MCTP2: variants seen among roughly 807,000 people sequenced by gnomAD.
MCTP2 encodes multiple C2 and transmembrane domain-containing protein 2.
MCTP2 carries 132 observed loss-of-function variants against 111.6 expected under a neutral mutation model. The ratio of observed to expected loss-of-function variants is 1.18; its 90% CI spans 1.03 to 1.37. MCTP2 has a LOEUF of 1.37. Among genes scored for constraint, MCTP2 ranks in the 40% most tolerant of loss-of-function variants. The pLI is 0.00. For missense variants in MCTP2, 1,183 were observed against 1,067.9 expected, an observed-to-expected ratio of 1.11 and a Z score of -1.50; for synonymous variants, 395 against 387.7, an observed-to-expected ratio of 1.02 and a Z score of -0.22.
intron 8 of MCTP2, among the ~76,000 whole-genome samples, chr15:94,345,921 G>C (rs1053881879): frequency 3.3e-5 from 5 of 152,032 alleles, no homozygotes; most frequent in Admixed American, 1.3e-4. Context: ...TTTCTGAATT[G>C]TGGTGGTGGT....
At chr15:94,267,580 A>T (rs894154529) in intron 1 of MCTP2, among the ~76,000 whole-genome samples, 3 of 152,178 alleles carry the variant, frequency 2.0e-5, no homozygotes, top group Admixed American at 6.5e-5. Context: ...CTCCTGTGAG[A>T]TTGCTGGATC....
intron 1 of MCTP2, among the ~76,000 whole-genome samples, chr15:94,249,605 C>A (rs1416552218): frequency 6.6e-6 from 1 of 152,008 alleles, no homozygotes; most frequent in Non-Finnish European, 1.5e-5. Context: ...CCTGCCTCAG[C>A]CTCTTGAGTA....
At chr15:94,420,625 A>G (rs2082581769) in intron 17 of MCTP2, among the ~76,000 whole-genome samples, 1 of 152,154 alleles carries the variant, frequency 6.6e-6, no homozygotes. Context: ...AATAGCAAGA[A>G]TAGAATTAGA....
intron 10 of MCTP2, among the ~76,000 whole-genome samples, chr15:94,366,240 T>C (rs939714252): frequency 6.6e-6 from 1 of 152,226 alleles, no homozygotes; most frequent in Admixed American, 6.5e-5. Flanking sequence ...AAAAATACTT[T>C]TTTTGTAATT....
At chr15:94,414,138 T>A (rs916135327) in intron 17 of MCTP2, among the ~76,000 whole-genome samples, 1 of 152,230 alleles carries the variant, frequency 6.6e-6, no homozygotes, top group African/African-American at 2.4e-5. Flanking sequence ...AACAGATAAC[T>A]GTGATGGTCT....
chr15:94,346,328 C>T (rs1250061532), intron 8 of MCTP2, among the ~76,000 whole-genome samples: 1 of 152,128 alleles, frequency 6.6e-6, no homozygotes, highest in Non-Finnish European at 1.5e-5. Context: ...CGTATGAGTT[C>T]ACTTGGTTCC....
At chr15:94,390,080 A>ACATG (rs1400379161) in intron 14 of MCTP2, among the ~76,000 whole-genome samples, 2 of 11,812 alleles carry the variant, frequency 1.7e-4, no homozygotes, top group African/African-American at 4.7e-4. Context: ...ATATATATAT[A>ACATG]TATATATATG....
intron 20 of MCTP2, among the ~76,000 whole-genome samples, chr15:94,464,257 T>TATATTATATATATATATATTATATA (rs4001978): frequency 6.7e-5 from 3 of 44,966 alleles, no homozygotes; most frequent in African/African-American, 1.8e-4. Context: ...TATATATATA[T>TATATTATATATATATATATTATATA]TATATATATA....
chr15:94,379,201 C>T lies in MCTP2; in HGVS notation c.1583-4821C>T, dbSNP rs1263425026. Among the ~76,000 whole-genome samples the T allele has an allele frequency of 2.0e-5, 3 of 151,890 alleles. No individual in the cohort carries two copies. In the East Asian group the frequency reaches 5.8e-4, roughly 29 times the overall value. On this transcript the variant is annotated intron_variant, in intron 12 of 22. Coordinates refer to ENST00000357742, the MANE Select transcript of MCTP2 (RefSeq NM_001385001.1). ...ACTCTGTGTGCAGGACCGGATAGGG[C>T]AGCCTAGTGAAGTTAGGAGTGGAGG...
At chr15:94,400,157 C>A (rs558944672) in intron 16 of MCTP2, among the ~76,000 whole-genome samples, 162 bp downstream of exon 16, 15 of 152,266 alleles carry the variant, frequency 9.9e-5, no homozygotes, top group African/African-American at 3.6e-4. Context: ...TTGTCCCCTT[C>A]TCTCCTAAAA....
intron 14 of MCTP2, among the ~76,000 whole-genome samples, chr15:94,393,097 A>G (rs757251803): frequency 1.3e-5 from 2 of 152,170 alleles, no homozygotes; most frequent in Admixed American, 1.3e-4. Flanking sequence ...TTGAATAATA[A>G]TATGTATTAT....
intron 3 of MCTP2, 107 bp downstream of exon 3, chr15:94,314,451 A>AC: frequency 1.2e-6 from 1 of 854,968 alleles, no homozygotes; most frequent in African/African-American, 1.7e-5. Context: ...AAAAAAAAAA[A>AC]ATGCCAAACC....
intron 1 of MCTP2, among the ~76,000 whole-genome samples, chr15:94,251,913 T>A (rs1056702590): frequency 1.3e-5 from 2 of 152,192 alleles, no homozygotes; most frequent in Non-Finnish European, 2.9e-5. Flanking sequence ...CTGGCTTATT[T>A]CCCGTAGCAT....
intron 1 of MCTP2, among the ~76,000 whole-genome samples, chr15:94,288,170 C>G (rs2074851624): frequency 6.6e-6 from 1 of 152,152 alleles, no homozygotes; most frequent in Non-Finnish European, 1.5e-5. Context: ...TTTTAAATCT[C>G]TCTGTGTCTT....
intron 2 of MCTP2, among the ~76,000 whole-genome samples, chr15:94,307,935 G>A (rs898161136): frequency 3.3e-5 from 5 of 151,552 alleles, no homozygotes; most frequent in Admixed American, 6.6e-5. Flanking sequence ...CAAACACATA[G>A]GCTGTTTTAT....
intron 19 of MCTP2, among the ~76,000 whole-genome samples, chr15:94,443,743 A>G (rs991158433): frequency 1.3e-5 from 2 of 152,190 alleles, no homozygotes; most frequent in African/African-American, 4.8e-5. Flanking sequence ...CATTTGAAGC[A>G]AATGGGGTGG....
At chr15:94,349,819 G>A (rs1968467) in intron 8 of MCTP2, among the ~76,000 whole-genome samples, 63,910 of 126,432 alleles carry the variant, frequency 0.51, 14,940 homozygotes, top group Admixed American at 0.57. Flanking sequence ...GACTCTGTCT[G>A]AAAAAAAAAA....
rs561170441 is a variant in MCTP2, at chr15:94,414,259, A to T, written c.2085+12240A>T. ...TATATGCTGTACCCTTGGATCCAGA[A>T]TTTTTTTTATGATATAATAGAAGAG... is the stretch of plus-strand genomic sequence containing the variant. On this transcript the variant is annotated intron_variant, in intron 17 of 22. Coordinates refer to ENST00000357742, the MANE Select transcript of MCTP2 (RefSeq NM_001385001.1). Among the ~76,000 whole-genome samples the T allele has an allele frequency of 6.2e-4, 95 of 152,114 alleles. 1 individual carries two copies. The highest frequency in any genetic ancestry group is 2.2e-3 in the African/African-American group (91 of 41,524).
At chr15:94,466,194 A>G (rs1162108847) in intron 20 of MCTP2, among the ~76,000 whole-genome samples, 4 of 152,104 alleles carry the variant, frequency 2.6e-5, no homozygotes, top group Non-Finnish European at 5.9e-5. Flanking sequence ...GATTTAATAT[A>G]TTGGATTAGA....
Sources: allele counts gnomAD v4.1 joint callset (sites outside exome capture counted in the v4.1 genomes callset), GRCh38; gene constraint gnomAD v4.1.1; transcripts MANE v1.5; gene names NCBI Gene and HGNC (gene_info 2026-07-23, HGNC 2026-07-21).